FCRLA: variants seen among roughly 807,000 people sequenced by gnomAD.
The protein encoded by FCRLA is Fc receptor-like A.
FCRLA carries 26 observed loss-of-function variants against 28.4 expected under a neutral mutation model. The observed-to-expected ratio is 0.91, with a 90% CI of 0.67 to 1.27. The LOEUF is 1.27. Ranked by LOEUF, FCRLA falls within the 50% of genes most tolerant of loss-of-function variation. The pLI is 0.00. For missense variants in FCRLA, 422 were observed against 433.1 expected, an observed-to-expected ratio of 0.97 and a Z score of 0.23; for synonymous variants, 174 against 168.5, an observed-to-expected ratio of 1.03 and a Z score of -0.25.
At chr1:161,708,253 A>G (rs1022682885) in intron 1 of FCRLA, among the ~76,000 whole-genome samples, 7 of 152,234 alleles carry the variant, frequency 4.6e-5, no homozygotes, top group Non-Finnish European at 1.0e-4. Context: ...CATAAACCTC[A>G]GAAACAACCC....
intron 2 of FCRLA, 108 bp from the exon 3 acceptor site, chr1:161,711,100 G>C (rs1477691436): frequency 6.8e-6 from 10 of 1,479,056 alleles, no homozygotes; most frequent in Non-Finnish European, 9.1e-6. Context: ...CCAACCAGGG[G>C]TGAGAGTTTA....
intron 1 of FCRLA, chr1:161,710,318 C>T (rs1357071786): frequency 3.0e-6 from 2 of 667,288 alleles, no homozygotes; most frequent in Admixed American, 2.6e-5. Context: ...AGTCACCTAC[C>T]TGGAAAGTTT....
chr1:161,713,334 T>G lies in FCRLA; in HGVS notation c.1034T>G (p.Leu345Ter), dbSNP rs1440903916. Residue 345 changes from leucine to a stop codon, truncating the protein, a stop_gained, in exon 5 of 5, where the codon TTA (leucine) becomes TGA (stop). Transcript: ENST00000236938. LOFTEE classifies it low-confidence loss of function (END_TRUNC). Reference protein sequence around the residue: ...LGHLLMELRELSGHRKPGTTK... With the variant: ...LGHLLMELRE ...CACCTGCTCATGGAGTTGAGGGAAT[T>G]ATCTGGCCACCGGAAGCCTGGGACC... 2 of 1,614,212 alleles carry G rather than the reference T, an allele frequency of 1.2e-6. No homozygotes were observed. Among genetic ancestry groups the G allele is most frequent in the South Asian group, 1.1e-5 (1 of 91,086 alleles).
rs71634903 is a variant in FCRLA at position 161,712,079 on chromosome 1, A to G, written c.645A>G (p.Ile215Met). ...LLFSFYKDGRIVQSRGLSSEF... is the reference protein window; with the variant it reads ...LLFSFYKDGRMVQSRGLSSEF... ...TCTCCTTCTACAAGGATGGAAGGAT[A>G]GTGCAAAGCAGGGGGCTCTCCTCAG... is the stretch of plus-strand genomic sequence containing the variant. The change falls in exon 4 of 5, where the codon ATA becomes ATG. Residue 215 changes from isoleucine (I) to methionine (M), a missense_variant. Around this residue, in one of 3 missense-constraint regions of FCRLA, gnomAD observed 185 missense variants for 198.1 expected, o/e 0.93. Coordinates refer to ENST00000236938, the MANE Select transcript of FCRLA (RefSeq NM_032738.4). The G allele has an allele frequency of 2.2e-4, 348 of 1,614,226 alleles. 2 individuals are homozygous for G. The East Asian group carries it at 2.7e-3, about 12-fold the overall frequency.
At position 161,713,151 on chromosome 1, in the gene FCRLA, C is replaced by A; in HGVS notation, c.851C>A (p.Thr284Asn). The change falls in exon 5 of 5, where the codon ACT (threonine) becomes AAT (asparagine). Residue 284 changes from threonine (T) to asparagine (N), a missense_variant. Coordinates refer to ENST00000236938, the MANE Select transcript of FCRLA (RefSeq NM_032738.4). ...CCTCAGAAATCAGCTGCTCCAGGAA[C>A]TGCTCCTGAGGAGGCCCCTGGGCCT... ...PAPQKSAAPG[T>N]APEEAPGPLP... 6.2e-7 allele frequency: 1 copy of A among 1,614,254 alleles called. No individual in the cohort carries two copies. Among genetic ancestry groups the A allele is most frequent in the South Asian group, 1.1e-5 (1 of 91,082 alleles).
rs1246494922 is a variant in FCRLA, at chr1:161,713,212, AG to A, written c.914del (p.Gly305AlafsTer27). 1 of 1,614,224 alleles carries A rather than the reference AG, an allele frequency of 6.2e-7. No homozygotes were observed. Among genetic ancestry groups the A allele is most frequent in the Admixed American group, 1.7e-5 (1 of 60,022 alleles). ...CGCCAACCCCATCTTCTGAGGATCC[AG>A]GCTTTTCTTCTCCTCTGGGGATGCC... ...PPPTPSSEDP[G>X]FSSPLGMPDP... On this transcript the variant is annotated frameshift_variant, in exon 5 of 5. Coordinates refer to ENST00000236938, the MANE Select transcript of FCRLA (RefSeq NM_032738.4). LOFTEE classifies it low-confidence loss of function (END_TRUNC).
intron 1 of FCRLA, among the ~76,000 whole-genome samples, chr1:161,709,642 A>G (rs2101653652): frequency 7.3e-6 from 1 of 136,628 alleles, no homozygotes; most frequent in East Asian, 2.0e-4. Flanking sequence ...GGCTATTGGG[A>G]GTGGAAGAGA....
In FCRLA at chr1:161,713,652, G is replaced by A. The variant is rs368526842; in HGVS notation, c.*272G>A. On this transcript the variant is annotated 3_prime_UTR_variant, in exon 5 of 5. Coordinates refer to ENST00000236938, the MANE Select transcript of FCRLA (RefSeq NM_032738.4). ...ATCGACCAGAATGTTGTGATTTAAA[G>A]AGAACTAATGGAAGTGGATTGAATA... is the stretch of plus-strand genomic sequence containing the variant. 3 of 316,758 alleles carry A rather than the reference G, an allele frequency of 9.5e-6. No homozygotes were observed. The South Asian group carries it at 1.4e-4, about 15-fold the overall frequency. The allele number at this position is 316,758 out of a possible 1,614,324, so 19.6% of individuals were successfully genotyped here. A position where few individuals can be genotyped will look rare whatever the true frequency, so the allele number is the denominator to read the frequency against.
At chr1:161,712,942 G>C in intron 4 of FCRLA, 143 bp from the exon 5 acceptor site, 1 of 908,830 alleles carries the variant, frequency 1.1e-6, no homozygotes, top group Non-Finnish European at 1.7e-6. Context: ...ATTTGGACCA[G>C]GAGGGACACT....
rs1380415811 is a variant in FCRLA, at chr1:161,713,429, A to T, written c.*49A>T. The T allele has an allele frequency of 4.8e-6, 7 of 1,464,500 alleles. No individual in the cohort carries two copies. The highest frequency in any genetic ancestry group is 1.4e-5 in the African/African-American group (1 of 71,204). 90.7% of individuals were successfully genotyped at this position (1,464,500 alleles called of 1,614,324 possible). On this transcript the variant is annotated 3_prime_UTR_variant, in exon 5 of 5. Transcript: ENST00000236938. ...TCACTTAACCACCCCAATAAATCTG[A>T]TTCTTTATTTTCTCTTCCTGTCCTG... is the stretch of plus-strand genomic sequence containing the variant.
intron 1 of FCRLA, chr1:161,710,535 C>T (rs1683040316): frequency 1.9e-6 from 3 of 1,546,170 alleles, no homozygotes; most frequent in Non-Finnish European, 2.6e-6. Flanking sequence ...CCCTCTTCTC[C>T]AAACCACAGT....
At position 161,712,487 on chromosome 1, in the gene FCRLA, C is replaced by T. The variant is rs1428876115; in HGVS notation, c.784+269C>T. ...CCACAAGCCTTAGCATCCCCCCCAA[C>T]ATGCTCTCTGGGCATTTATAGGAAT... On this transcript the variant is annotated intron_variant, in intron 4 of 4. Transcript: ENST00000236938. Among the ~76,000 whole-genome samples, 4 of 152,168 alleles carry T rather than the reference C, an allele frequency of 2.6e-5. No individual in the cohort carries two copies. In the East Asian group the frequency reaches 5.8e-4, roughly 22 times the overall value.
chr1:161,707,293 G>A lies in FCRLA; in HGVS notation c.29G>A (p.Trp10Ter). 1 of 1,613,760 alleles carries A rather than the reference G, an allele frequency of 6.2e-7. No homozygotes were observed. The highest frequency in any genetic ancestry group is 8.5e-7 in the Non-Finnish European group (1 of 1,179,856). The change falls in exon 1 of 5, where the codon TGG (tryptophan) becomes TAG (stop). Residue 10 changes from tryptophan (W) to a stop codon, truncating the protein, a stop_gained. Coordinates refer to ENST00000236938, the MANE Select transcript of FCRLA (RefSeq NM_032738.4). LOFTEE classifies it high-confidence loss of function. ...AAGCTGGGCTGTGTCCTCATGGCCT[G>A]GGCCCTCTACCTTTCCCTTGGTGTG... MKLGCVLMA[W>*]ALYLSLGVLW...
In FCRLA at chr1:161,713,137, A is replaced by G. The variant is rs1683190939; in HGVS notation, c.837A>G (p.Ser279=). ...PPTLNPAPQK[S]AAPGTAPEEA... is the part of the protein sequence containing the mutation. Reference sequence around the variant, plus strand: ...CATTGAATCCAGCTCCTCAGAAATCAGCTGCTCCAGGAACTGCTCCTGAGG... The same window carrying G: ...CATTGAATCCAGCTCCTCAGAAATCGGCTGCTCCAGGAACTGCTCCTGAGG... Residue 279 remains serine (S), a synonymous_variant, in exon 5 of 5, where the codon TCA becomes TCG. Transcript: ENST00000236938. The G allele has an allele frequency of 6.2e-7, 1 of 1,614,018 alleles. No homozygotes were observed. Among genetic ancestry groups the G allele is most frequent in the Non-Finnish European group, 8.5e-7 (1 of 1,180,040 alleles).
At chr1:161,710,375 C>A in intron 1 of FCRLA, 1 of 1,122,456 alleles carries the variant, frequency 8.9e-7, no homozygotes, top group Non-Finnish European at 1.3e-6. Flanking sequence ...CAGGGTCTGG[C>A]ACCCAGTGAA....
chr1:161,713,972 T>G lies in FCRLA; in HGVS notation c.*592T>G, dbSNP rs374962524. The G allele has an allele frequency of 3.3e-5, 5 of 152,430 alleles. No individual in the cohort carries two copies. In the East Asian group the frequency reaches 9.4e-4, roughly 29 times the overall value. The allele number at this position is 152,430 out of a possible 1,614,324, so 9.4% of individuals were successfully genotyped here. On this transcript the variant is annotated 3_prime_UTR_variant, in exon 5 of 5. Coordinates refer to ENST00000236938, the MANE Select transcript of FCRLA (RefSeq NM_032738.4). ...GACTTTGTCCCTTCTAATTATTATC[T>G]CTTTCCAGCCTCATTCAGCTATTCT... is the stretch of plus-strand genomic sequence containing the variant.
intron 4 of FCRLA, among the ~76,000 whole-genome samples, chr1:161,712,477 TC>T (rs373360472): frequency 3.4e-4 from 52 of 151,582 alleles, no homozygotes; most frequent in African/African-American, 1.2e-3. Flanking sequence ...AGCCTTAGCA[TC>T]CCCCCCAACA....
At chr1:161,710,377 C>A in intron 1 of FCRLA, 1 of 1,149,082 alleles carries the variant, frequency 8.7e-7, no homozygotes, top group Non-Finnish European at 1.3e-6. Context: ...GGGTCTGGCA[C>A]CCAGTGAACA....
intron 1 of FCRLA, among the ~76,000 whole-genome samples, chr1:161,708,265 G>A (rs1395984208): frequency 6.6e-6 from 1 of 152,178 alleles, no homozygotes; most frequent in Non-Finnish European, 1.5e-5. Flanking sequence ...AAACAACCCA[G>A]ACTCTTCCTT....
Sources: gnomAD v4.1 joint callset for allele counts (sites outside exome capture counted in the v4.1 genomes callset) on GRCh38, gnomAD v4.1.1 for gene constraint, gnomAD v4.1.1 regional missense constraint, MANE v1.5 for transcripts, NCBI Gene and HGNC (gene_info 2026-07-23, HGNC 2026-07-21) for gene names.